The following MINDY4 variants were observed in gnomAD, a reference collection of about 807,000 sequenced individuals.
MINDY4 encodes the protein MINDY lysine 48 deubiquitinase 4, also known as probable ubiquitin carboxyl-terminal hydrolase MINDY-4.
MINDY4 carries 68 observed loss-of-function variants against 87.0 expected under a neutral mutation model. That is an observed-to-expected ratio of 0.78 (90% CI 0.64 to 0.96). MINDY4 has a LOEUF of 0.96. Ranked by LOEUF, MINDY4 falls within the 40% of genes least tolerant of loss-of-function variation. MINDY4 has a pLI of 0.00. For synonymous variants in MINDY4, 379 were observed against 363.2 expected (o/e 1.04, Z -0.50); for missense variants, 919 against 928.2 (o/e 0.99, Z 0.13).
chr7:30,783,701 T>C (rs1053366581), intron 3 of MINDY4, among the ~76,000 whole-genome samples: 3 of 152,208 alleles, frequency 2.0e-5, no homozygotes, highest in African/African-American at 4.8e-5. Context: ...TATTTTCCTG[T>C]TGAGGCTGTG....
chr7:30,777,082 T>A (rs914717869), intron 1 of MINDY4, among the ~76,000 whole-genome samples: 7 of 151,650 alleles, frequency 4.6e-5, no homozygotes, highest in Non-Finnish European at 8.8e-5. Context: ...TAATCATAGC[T>A]CACTGTGGCC....
intron 5 of MINDY4, among the ~76,000 whole-genome samples, chr7:30,802,853 ACCAACCAACCAAC>A (rs1226069941): frequency 6.6e-6 from 1 of 151,858 alleles, no homozygotes; most frequent in African/African-American, 2.4e-5. Flanking sequence ...GACCAACCAA[ACCAACCAACCAAC>A]CCAACCAACC....
chr7:30,836,700 C>G lies in MINDY4; in HGVS notation c.1175C>G (p.Ser392Trp), dbSNP rs187366942. ...TTGATAAGGGAAGAGGTCATCCTGT[C>G]GCCAGTCCCATCAGTGCTCAAGTTG... is the stretch of plus-strand genomic sequence containing the variant. The part of the protein sequence containing the change: ...DELIREEVIL[S>W]PVPSVLKLQT... The change falls in exon 7 of 18, where the codon TCG (serine) becomes TGG (tryptophan). Residue 392 changes from serine (S) to tryptophan (W), a missense_variant. Ser to Trp is a radical substitution (Grantham distance 177). Coordinates refer to ENST00000265299, the MANE Select transcript of MINDY4 (RefSeq NM_032222.3). 5 of 1,613,994 alleles carry G rather than the reference C, an allele frequency of 3.1e-6. No homozygotes were observed. In the African/African-American group the frequency reaches 6.7e-5, roughly 22 times the overall value.
At chr7:30,799,527 C>T (rs1787588230) in intron 5 of MINDY4, among the ~76,000 whole-genome samples, 1 of 152,338 alleles carries the variant, frequency 6.6e-6, no homozygotes, top group South Asian at 2.1e-4. Flanking sequence ...ATTCCACCAT[C>T]CCTAACCCCT....
At chr7:30,848,733 A>C (rs1789305360) in intron 9 of MINDY4, among the ~76,000 whole-genome samples, 1 of 152,192 alleles carries the variant, frequency 6.6e-6, no homozygotes, top group Non-Finnish European at 1.5e-5. Flanking sequence ...TCCTGAGGCC[A>C]AAGAAGTGTC....
chr7:30,782,328 CTG>C, intron 3 of MINDY4, 116 bp downstream of exon 3: 5 of 753,764 alleles, frequency 6.6e-6, no homozygotes, highest in Non-Finnish European at 8.5e-6. Context: ...AATATAGTCT[CTG>C]TGTGTGTATG....
chr7:30,864,402 G>T (rs1484988714), intron 13 of MINDY4, among the ~76,000 whole-genome samples: 1 of 152,240 alleles, frequency 6.6e-6, no homozygotes, highest in Non-Finnish European at 1.5e-5. Flanking sequence ...CCCAGCCAGT[G>T]TAAGCAGAAA....
In MINDY4 at chr7:30,872,492, AAG is replaced by A. The variant is rs144400951; in HGVS notation, c.1809+191_1809+192del. Among the ~76,000 whole-genome samples, 1,312 of 152,300 alleles carry A rather than the reference AAG, an allele frequency of 8.6e-3. 16 individuals carry two copies. Among genetic ancestry groups the A allele is most frequent in the African/African-American group, 0.03 (1,235 of 41,556 alleles). On this transcript the variant is annotated intron_variant, in intron 14 of 17. Transcript: ENST00000265299. Reference sequence around the variant, plus strand: ...CACTGTCATGTCATGGAGACCCAGAAAGAGAGCTCAGTTTAGCTTCTGTTTCT... The same window carrying A: ...CACTGTCATGTCATGGAGACCCAGAAAGAGCTCAGTTTAGCTTCTGTTTCT...
intron 5 of MINDY4, among the ~76,000 whole-genome samples, chr7:30,812,291 T>G (rs1788028321): frequency 6.7e-6 from 1 of 149,720 alleles, no homozygotes. Flanking sequence ...GGTATGTATG[T>G]ATGCATTGAG....
intron 17 of MINDY4, among the ~76,000 whole-genome samples, chr7:30,889,851 G>A (rs1381986646): frequency 6.6e-6 from 1 of 152,184 alleles, no homozygotes; most frequent in Non-Finnish European, 1.5e-5. Flanking sequence ...ACTGGGAATG[G>A]ATCTCACCAA....
At position 30,882,338 on chromosome 7, in the gene MINDY4, A is replaced by G. The variant is rs1177475646; in HGVS notation, c.2129A>G (p.Gln710Arg). 1.2e-6 allele frequency: 2 copies of G among 1,605,936 alleles called. No homozygotes were observed. Among genetic ancestry groups the G allele is most frequent in the African/African-American group, 2.7e-5 (2 of 74,928 alleles). ...TACTACGATGGCCTGGCCAACCAGCAGGAGCAGATCCGGCTGACCATTGGT... is the reference window on the plus strand; with the variant it reads ...TACTACGATGGCCTGGCCAACCAGCGGGAGCAGATCCGGCTGACCATTGGT... Reference protein sequence around the residue: ...LYYYDGLANQQEQIRLTIDTT... With the variant: ...LYYYDGLANQREQIRLTIDTT... Residue 710 changes from glutamine (Q) to arginine (R), a missense_variant, in exon 16 of 18, where the codon CAG becomes CGG. By Grantham distance (43) the Gln-to-Arg change is conservative. Coordinates refer to ENST00000265299, the MANE Select transcript of MINDY4 (RefSeq NM_032222.3).
intron 12 of MINDY4, chr7:30,858,853 A>C (rs1237497797): frequency 5.2e-6 from 2 of 387,860 alleles, no homozygotes; most frequent in Admixed American, 6.0e-5. Context: ...CTGGTCACTC[A>C]GTTTCTGAGC....
chr7:30,780,785 G>C (rs1383896221), intron 2 of MINDY4: 1 of 152,106 alleles, frequency 6.6e-6, no homozygotes. Context: ...AAAGCATAAG[G>C]GATAGTCAGG....
chr7:30,836,848 C>T, intron 7 of MINDY4, 84 bp downstream of exon 7: 1 of 1,009,142 alleles, frequency 9.9e-7, no homozygotes, highest in South Asian at 1.5e-5. Flanking sequence ...CTGCCCCAAT[C>T]CAGCTCATTG....
At chr7:30,833,002 T>G (rs1006722603) in intron 6 of MINDY4, among the ~76,000 whole-genome samples, 1 of 152,216 alleles carries the variant, frequency 6.6e-6, no homozygotes, top group Non-Finnish European at 1.5e-5. Flanking sequence ...TATGCATCAT[T>G]TTTACTTGAC....
chr7:30,812,767 T>C (rs565221811), intron 5 of MINDY4, among the ~76,000 whole-genome samples: 2 of 151,998 alleles, frequency 1.3e-5, no homozygotes, highest in African/African-American at 4.8e-5. Flanking sequence ...TCCAGACCAG[T>C]CTTACCCCCT....
chr7:30,786,367 C>G (rs1407488770), intron 4 of MINDY4: 3 of 178,022 alleles, frequency 1.7e-5, no homozygotes, highest in Admixed American at 5.6e-5. Context: ...AATCCCAATG[C>G]TTTGGGAGGC....
rs372961611 is a variant in MINDY4, at chr7:30,875,509, G to T, written c.1824G>T (p.Leu608=). 2 of 1,614,186 alleles carry T rather than the reference G, an allele frequency of 1.2e-6. No individual in the cohort carries two copies. The highest frequency in any genetic ancestry group is 2.2e-5 in the East Asian group (1 of 44,884). The stretch of plus-strand genomic sequence containing the variant: ...CTCATCTGCAGGAACTTGTCAATCT[G>T]CTCCTGACTGGGAAAGCTGTGTCCA... ...HGYCTQELVN[L]LLTGKAVSNV... Residue 608 remains leucine (L), a synonymous_variant, in exon 15 of 18, where the codon CTG becomes CTT. Transcript: ENST00000265299.
rs199974230 is a variant in MINDY4 at position 30,839,300 on chromosome 7, G to A, written c.1340G>A (p.Gly447Asp). The A allele has an allele frequency of 6.8e-5, 109 of 1,606,008 alleles. No individual in the cohort carries two copies. The highest frequency in any genetic ancestry group is 1.7e-5 in the Non-Finnish European group (20 of 1,176,516). ...AGTAACACAGCCTCATTAAAATACGGCATAGTGCAGAACAAGGCAGGTTGC... is the reference window on the plus strand; with the variant it reads ...AGTAACACAGCCTCATTAAAATACGACATAGTGCAGAACAAGGCAGGTTGC... Reference protein sequence around the residue: ...SFSNTASLKYGIVQNKGGPCG... With the variant: ...SFSNTASLKYDIVQNKGGPCG... The change falls in exon 8 of 18, where the codon GGC becomes GAC. Residue 447 changes from glycine to aspartate, a missense_variant. Transcript: ENST00000265299.
Sources: gnomAD v4.1 joint callset for allele counts (sites outside exome capture counted in the v4.1 genomes callset) on GRCh38, gnomAD v4.1.1 for gene constraint, MANE v1.5 for transcripts, NCBI Gene and HGNC (gene_info 2026-07-23, HGNC 2026-07-21) for gene names.